PIK3C3: variants seen among roughly 807,000 people sequenced by gnomAD.
The protein encoded by PIK3C3 is PI3-kinase type 3.
A neutral mutation model predicts 126.1 loss-of-function variants in PIK3C3; 95 were observed. The observed-to-expected ratio is 0.75, with a 90% confidence interval of 0.64 to 0.89. PIK3C3 has a LOEUF of 0.89. Among genes scored for constraint, PIK3C3 ranks in the 40% least tolerant of loss-of-function variants. The pLI is 0.00. For synonymous variants in PIK3C3, 374 were observed against 360.0 expected, an observed-to-expected ratio of 1.04 and a Z score of -0.44; for missense variants, 829 against 1,063.2, an observed-to-expected ratio of 0.78 and a Z score of 3.06.
intron 10 of PIK3C3, among the ~76,000 whole-genome samples, chr18:42,012,255 A>G (rs955388075): frequency 4.6e-5 from 7 of 152,072 alleles, no homozygotes; most frequent in African/African-American, 1.7e-4. Flanking sequence ...TAAATAAGGA[A>G]ATATGGGTTG....
chr18:41,960,901 C>G (rs1980050787), intron 2 of PIK3C3, among the ~76,000 whole-genome samples: 3 of 151,942 alleles, frequency 2.0e-5, no homozygotes, highest in Admixed American at 2.0e-4. Flanking sequence ...ACCACCATGC[C>G]CGGCTGATTT....
At position 42,083,664 on chromosome 18, in the gene PIK3C3, G is replaced by GGGCTAT. The variant is rs911988663; in HGVS notation, c.*2528_*2533dup. 2 of 152,118 alleles carry GGGCTAT rather than the reference G, an allele frequency of 1.3e-5. No homozygotes were observed. Among genetic ancestry groups the GGGCTAT allele is most frequent in the African/African-American group, 4.8e-5 (2 of 41,414 alleles). 9.4% of individuals were successfully genotyped at this position (152,118 alleles called of 1,614,324 possible). A position where few individuals can be genotyped will look rare whatever the true frequency, so the allele number is the denominator to read the frequency against. On this transcript the variant is annotated 3_prime_UTR_variant, in exon 25 of 25. Transcript: ENST00000262039. The stretch of plus-strand genomic sequence containing the variant: ...TGTAGGGGCTCAGTATTACATGGCA[G>GGGCTAT]GGCTATACTAATTGCTTCATATGCC...
Position 42,032,865 on chromosome 18 carries a change from A to G in PIK3C3, c.1708-961A>G, listed in dbSNP as rs114339318. Among the ~76,000 whole-genome samples the G allele has an allele frequency of 3.1e-3, 468 of 152,152 alleles. 4 individuals are homozygous for G. Among genetic ancestry groups the G allele is most frequent in the African/African-American group, 9.2e-3 (382 of 41,508 alleles). On this transcript the variant is annotated intron_variant, in intron 15 of 24. Transcript: ENST00000262039. ...CTTGAACTTTTCATCATTCAGGAGG[A>G]GATGGGATTATTACTGAAGGAAAAT...
intron 24 of PIK3C3, among the ~76,000 whole-genome samples, chr18:42,068,822 C>T (rs879565926): frequency 7.3e-4 from 111 of 151,752 alleles, no homozygotes; most frequent in Non-Finnish European, 1.4e-3. Flanking sequence ...TGATGGCGGG[C>T]GCCTGTAGTC....
At chr18:41,984,053 AT>A (rs555682009) in intron 4 of PIK3C3, among the ~76,000 whole-genome samples, 4,651 of 147,356 alleles carry the variant, frequency 0.032, 92 homozygotes, top group Non-Finnish European at 0.045. Context: ...GAGAGAATGA[AT>A]TTTTTTTTTT....
chr18:42,078,544 T>C, intron 24 of PIK3C3, among the ~76,000 whole-genome samples: 1 of 152,106 alleles, frequency 6.6e-6, no homozygotes. Flanking sequence ...AACATTGACA[T>C]CAACTAAGTC....
At position 42,043,814 on chromosome 18, in the gene PIK3C3, T is replaced by A. The variant is rs1378907165; in HGVS notation, c.2185T>A (p.Cys729Ser). The A allele has an allele frequency of 1.2e-6, 2 of 1,609,748 alleles. No individual in the cohort carries two copies. The highest frequency in any genetic ancestry group is 2.2e-5 in the South Asian group (2 of 90,898). ...GGTCATGGACACTTACGTTAAAAGC[T>A]GTGGTAAGTTTTTCAGGCTATTACT... is the stretch of plus-strand genomic sequence containing the variant. Reference protein sequence around the residue: ...AEVMDTYVKSCAGYCVITYIL... With the variant: ...AEVMDTYVKSSAGYCVITYIL... Residue 729 changes from cysteine (C) to serine (S), a missense_variant, in exon 20 of 25, where the codon TGT becomes AGT. By Grantham distance (112) the Cys-to-Ser change is moderately radical (BLOSUM62 -1). Around this residue, in one of 4 missense-constraint regions of PIK3C3, gnomAD observed 196 missense variants for 312.8 expected, o/e 0.63. Transcript: ENST00000262039.
intron 12 of PIK3C3, among the ~76,000 whole-genome samples, chr18:42,018,201 T>C (rs920241552): frequency 6.6e-6 from 1 of 152,074 alleles, no homozygotes; most frequent in Non-Finnish European, 1.5e-5. Context: ...GATCTTTTTT[T>C]ATAAAGCACT....
chr18:41,998,252 T>A (rs902713198), intron 9 of PIK3C3, among the ~76,000 whole-genome samples: 20 of 152,142 alleles, frequency 1.3e-4, no homozygotes, highest in African/African-American at 4.6e-4. Context: ...ATTCTCTTCA[T>A]CACTGAAGAA....
rs1257591527 is a variant in PIK3C3, at chr18:41,999,492, A to G, written c.984+2762A>G. Among the ~76,000 whole-genome samples the G allele has an allele frequency of 4.6e-5, 7 of 152,250 alleles. No homozygotes were observed. In the South Asian group the frequency reaches 1.2e-3, roughly 27 times the overall value. On this transcript the variant is annotated intron_variant, in intron 9 of 24. Coordinates refer to ENST00000262039, the MANE Select transcript of PIK3C3 (RefSeq NM_002647.4). ...AGACAGTGACATGAGGACAATCATC[A>G]TATTTGTGTCTCCTGACAAGAAATT...
At chr18:42,060,952 G>A (rs1417428515) in intron 22 of PIK3C3, among the ~76,000 whole-genome samples, 1 of 152,070 alleles carries the variant, frequency 6.6e-6, no homozygotes, top group Non-Finnish European at 1.5e-5. Context: ...ACTTTCACAG[G>A]AACTCTGATT....
At position 41,987,837 on chromosome 18, in the gene PIK3C3, A is replaced by G. The variant is rs1981570866; in HGVS notation, c.557A>G (p.His186Arg). 2 of 1,608,506 alleles carry G rather than the reference A, an allele frequency of 1.2e-6. No individual in the cohort carries two copies. The highest frequency in any genetic ancestry group is 1.7e-6 in the Non-Finnish European group (2 of 1,176,770). The change falls in exon 5 of 25, where the codon CAC (histidine) becomes CGC (arginine). Residue 186 changes from histidine to arginine, a missense_variant. His to Arg is a conservative substitution (Grantham distance 29). Transcript: ENST00000262039. Reference sequence around the variant, plus strand: ...CTCACCAAAGCTCATCGACAAGGACACATGGTGAAAGTAGATTGGCTGGAT... The same window carrying G: ...CTCACCAAAGCTCATCGACAAGGACGCATGGTGAAAGTAGATTGGCTGGAT... ...AKLTKAHRQG[H>R]MVKVDWLDRL...
At chr18:41,999,560 T>G (rs2144371484) in intron 9 of PIK3C3, among the ~76,000 whole-genome samples, 1 of 152,298 alleles carries the variant, frequency 6.6e-6, no homozygotes, top group Admixed American at 6.5e-5. Flanking sequence ...CAGCAAGTAT[T>G]CATTATCACC....
intron 10 of PIK3C3, among the ~76,000 whole-genome samples, chr18:42,009,922 G>A: frequency 6.6e-6 from 1 of 152,064 alleles, no homozygotes. Flanking sequence ...GAATGATCAG[G>A]GTGATGGTTG....
At chr18:41,964,774 G>T (rs373224624) in intron 3 of PIK3C3, among the ~76,000 whole-genome samples, 4 of 152,116 alleles carry the variant, frequency 2.6e-5, no homozygotes, top group South Asian at 4.1e-4. Context: ...ATTAAAGAGA[G>T]AATTGATGCC....
At position 42,085,826 on chromosome 18, in the gene PIK3C3, C is replaced by T. The variant is rs1338147941; in HGVS notation, c.*4689C>T. ...TAACTAGAATTTGGCTGGCTCATGCCTGTAATGCCAGCACTTTGGGAGGCC... is the reference window on the plus strand; with the variant it reads ...TAACTAGAATTTGGCTGGCTCATGCTTGTAATGCCAGCACTTTGGGAGGCC... On this transcript the variant is annotated 3_prime_UTR_variant, in exon 25 of 25. Coordinates refer to ENST00000262039, the MANE Select transcript of PIK3C3 (RefSeq NM_002647.4). The T allele has an allele frequency of 2.0e-5, 3 of 152,196 alleles. No individual in the cohort carries two copies. Among genetic ancestry groups the T allele is most frequent in the Non-Finnish European group, 2.9e-5 (2 of 68,066 alleles). 9.4% of individuals were successfully genotyped at this position (152,196 alleles called of 1,614,324 possible). A position where few individuals can be genotyped will look rare whatever the true frequency, so the allele number is the denominator to read the frequency against.
chr18:42,064,400 G>A (rs1385371244), intron 22 of PIK3C3, among the ~76,000 whole-genome samples: 1 of 152,026 alleles, frequency 6.6e-6, no homozygotes, highest in African/African-American at 2.4e-5. Flanking sequence ...GATTTTAATT[G>A]TTATAAAATG....
chr18:42,026,677 T>C (rs1353133472), intron 13 of PIK3C3: 1 of 152,170 alleles, frequency 6.6e-6, no homozygotes, highest in Admixed American at 6.5e-5. Flanking sequence ...CCTCAAGTGA[T>C]CCTCCTTCCT....
intron 3 of PIK3C3, among the ~76,000 whole-genome samples, chr18:41,969,605 T>A (rs991704496): frequency 6.6e-6 from 1 of 152,258 alleles, no homozygotes; most frequent in Non-Finnish European, 1.5e-5. Flanking sequence ...TGTATGAATC[T>A]ACTATTGTAT....
Sources: gnomAD v4.1 joint callset for allele counts (sites outside exome capture counted in the v4.1 genomes callset) on GRCh38, gnomAD v4.1.1 for gene constraint, gnomAD v4.1.1 regional missense constraint, MANE v1.5 for transcripts, NCBI Gene and HGNC (gene_info 2026-07-23, HGNC 2026-07-21) for gene names.